STK32B: variants seen among roughly 807,000 people sequenced by gnomAD.
STK32B encodes the protein serine/threonine-protein kinase 32B.
Under a neutral mutation model 52.6 loss-of-function variants are expected in STK32B, and 43 were observed. That is an observed-to-expected ratio of 0.82 (90% confidence interval 0.64 to 1.05). The LOEUF (loss-of-function observed/expected upper bound fraction) is 1.05. Among genes scored for constraint, STK32B ranks in the 50% least tolerant of loss-of-function variants. The pLI is 0.00. For missense variants in STK32B, 621 were observed against 534.6 expected (o/e 1.16, Z -1.59); for synonymous variants, 238 against 204.3 (o/e 1.17, Z -1.41).
intron 3 of STK32B, among the ~76,000 whole-genome samples, chr4:5,315,957 G>C (rs946046014): frequency 6.7e-6 from 1 of 150,080 alleles, no homozygotes; most frequent in Non-Finnish European, 1.5e-5. Flanking sequence ...TGCCTGCCTC[G>C]GCCTCCCAAA....
At chr4:5,188,851 T>G (rs13150956) in intron 3 of STK32B, among the ~76,000 whole-genome samples, 2 of 116,996 alleles carry the variant, frequency 1.7e-5, no homozygotes, top group African/African-American at 6.9e-5. Flanking sequence ...CATCACACAC[T>G]GGGGCCTGTC....
intron 3 of STK32B, among the ~76,000 whole-genome samples, chr4:5,239,156 AGAG>A (rs1323249151): frequency 6.6e-6 from 1 of 152,118 alleles, no homozygotes; most frequent in African/African-American, 2.4e-5. Flanking sequence ...ACAGTGTTCA[AGAG>A]GAGGAGAAGG....
intron 3 of STK32B, among the ~76,000 whole-genome samples, chr4:5,260,984 C>T (rs978396579): frequency 1.3e-5 from 2 of 152,100 alleles, no homozygotes; most frequent in Non-Finnish European, 1.5e-5. Context: ...CCTTTATGCA[C>T]CCATGTCAAT....
intron 3 of STK32B, among the ~76,000 whole-genome samples, chr4:5,249,359 G>A (rs1725718159): frequency 6.6e-6 from 1 of 152,104 alleles, no homozygotes; most frequent in African/African-American, 2.4e-5. Flanking sequence ...TAAAAATCTT[G>A]TTGAATACAT....
At chr4:5,496,772 A>ACGTTCC (rs1479149971) in intron 11 of STK32B, among the ~76,000 whole-genome samples, 1 of 151,904 alleles carries the variant, frequency 6.6e-6, no homozygotes, top group East Asian at 1.9e-4. Flanking sequence ...GTATGAAGAG[A>ACGTTCC]ATGTCTTTAA....
rs539172750 is a variant in STK32B, at chr4:5,369,344, T to C, written c.435-28863T>C. Among the ~76,000 whole-genome samples the C allele has an allele frequency of 1.7e-3, 260 of 152,058 alleles. 1 individual carries two copies. The highest frequency in any genetic ancestry group is 5.1e-3 in the African/African-American group (212 of 41,516). On this transcript the variant is annotated intron_variant, in intron 4 of 11. Coordinates refer to ENST00000282908, the MANE Select transcript of STK32B (RefSeq NM_018401.3). ...GATTTCTACATGAGAGAGACATAAA[T>C]TTCTTCCTTTAGTTAAGCCACAGTC...
chr4:5,448,056 G>C (rs1039325941), intron 7 of STK32B, among the ~76,000 whole-genome samples: 1 of 152,184 alleles, frequency 6.6e-6, no homozygotes, highest in Non-Finnish European at 1.5e-5. Context: ...CTGAATGTTT[G>C]TTGAATGAAT....
intron 1 of STK32B, among the ~76,000 whole-genome samples, chr4:5,135,922 C>T (rs1333813849): frequency 6.6e-6 from 1 of 152,132 alleles, no homozygotes; most frequent in Non-Finnish European, 1.5e-5. Context: ...ACACAATTGT[C>T]CGGATTAATT....
intron 3 of STK32B, among the ~76,000 whole-genome samples, chr4:5,311,871 T>G (rs1201229340): frequency 1.3e-5 from 2 of 151,680 alleles, no homozygotes; most frequent in African/African-American, 4.8e-5. Context: ...TTACACAGTT[T>G]CTTCTGGAAA....
intron 1 of STK32B, among the ~76,000 whole-genome samples, chr4:5,084,294 A>G (rs914466057): frequency 6.6e-6 from 1 of 152,200 alleles, no homozygotes; most frequent in African/African-American, 2.4e-5. Context: ...GTCGACTGGC[A>G]TCTCTGTGTG....
intron 3 of STK32B, among the ~76,000 whole-genome samples, chr4:5,187,354 G>C (rs982043970): frequency 1.3e-5 from 2 of 152,170 alleles, no homozygotes; most frequent in Non-Finnish European, 2.9e-5. Context: ...AGTAATAGTA[G>C]TACCAGTACC....
At chr4:5,243,309 G>T (rs1281003212) in intron 3 of STK32B, among the ~76,000 whole-genome samples, 2 of 152,116 alleles carry the variant, frequency 1.3e-5, no homozygotes, top group Non-Finnish European at 2.9e-5. Context: ...TTGTAAGTTG[G>T]ATTCCTAAGT....
intron 6 of STK32B, among the ~76,000 whole-genome samples, chr4:5,434,850 G>A (rs960091954): frequency 3.3e-5 from 5 of 152,070 alleles, no homozygotes; most frequent in African/African-American, 1.2e-4. Context: ...TCAATAAATG[G>A]CCCCCCTAAG....
chr4:5,296,479 G>C (rs182813612), intron 3 of STK32B, among the ~76,000 whole-genome samples: 1 of 152,220 alleles, frequency 6.6e-6, no homozygotes, highest in East Asian at 1.9e-4. Context: ...AGGATAGTTA[G>C]CTCTTCTTGT....
chr4:5,126,834 C>T (rs1715393224), intron 1 of STK32B, among the ~76,000 whole-genome samples: 1 of 152,144 alleles, frequency 6.6e-6, no homozygotes, highest in Admixed American at 6.5e-5. Context: ...ACTGATAACC[C>T]AGTTATCAAT....
chr4:5,444,835 T>G (rs997087703), intron 6 of STK32B, among the ~76,000 whole-genome samples: 1 of 152,208 alleles, frequency 6.6e-6, no homozygotes, highest in Non-Finnish European at 1.5e-5. Flanking sequence ...AAGTCACTTA[T>G]CACTAACAGG....
intron 8 of STK32B, among the ~76,000 whole-genome samples, chr4:5,457,803 T>G (rs1577538062): frequency 6.8e-6 from 1 of 146,474 alleles, no homozygotes; most frequent in Non-Finnish European, 1.5e-5. Context: ...ACCTGGGAGG[T>G]GGAGGTTGTG....
chr4:5,090,918 AT>A (rs1258339130), intron 1 of STK32B, among the ~76,000 whole-genome samples: 1 of 152,240 alleles, frequency 6.6e-6, no homozygotes, highest in Non-Finnish European at 1.5e-5. Flanking sequence ...GCCAAAACTT[AT>A]TTAAGGACAA....
intron 1 of STK32B, among the ~76,000 whole-genome samples, chr4:5,083,979 C>T (rs528691173): frequency 5.6e-4 from 86 of 152,286 alleles, no homozygotes; most frequent in Non-Finnish European, 1.0e-3. Context: ...TCAGGTGATC[C>T]ACTGGCCTCA....
Sources: allele counts gnomAD v4.1 joint callset (sites outside exome capture counted in the v4.1 genomes callset), GRCh38; gene constraint gnomAD v4.1.1; transcripts MANE v1.5; gene names NCBI Gene and HGNC (gene_info 2026-07-23, HGNC 2026-07-21).